Variants in UBR3 observed in about 807,000 individuals in gnomAD.
UBR3 encodes the protein ubiquitin protein ligase E3 component n-recognin 3.
A neutral mutation model predicts 243.2 loss-of-function variants in UBR3; 85 were observed. The observed-to-expected ratio is 0.35, with a 90% confidence interval of 0.29 to 0.42. The LOEUF (loss-of-function observed/expected upper bound fraction) is 0.42. Ranked by LOEUF, UBR3 falls within the 10% of genes least tolerant of loss-of-function variation. The pLI is 1.00. For missense variants in UBR3, 1,686 were observed against 2,300.8 expected (o/e 0.73, Z 5.47); for synonymous variants, 748 against 799.8 (o/e 0.94, Z 1.09).
At position 169,939,556 on chromosome 2, in the gene UBR3, C is replaced by T. The variant is rs377188212; in HGVS notation, c.2664-2937C>T. Among the ~76,000 whole-genome samples the T allele has an allele frequency of 5.3e-5, 8 of 149,670 alleles. No homozygotes were observed. The East Asian group carries it at 8.0e-4, about 15-fold the overall frequency. The stretch of plus-strand genomic sequence containing the variant: ...TGCTGGGATTACAGGTGTGAGCCAT[C>T]GTGCCAGGCCTTTTTTTTTCCTTTT... On this transcript the variant is annotated intron_variant, in intron 19 of 38. Transcript: ENST00000272793.
chr2:169,877,932 A>G (rs1574102377), intron 4 of UBR3, among the ~76,000 whole-genome samples: 1 of 152,232 alleles, frequency 6.6e-6, no homozygotes, highest in Non-Finnish European at 1.5e-5. Context: ...CTGCCTCAAT[A>G]TTTTAGTAAA....
At chr2:169,898,741 G>A (rs1300907696) in intron 8 of UBR3, among the ~76,000 whole-genome samples, 5 of 131,174 alleles carry the variant, frequency 3.8e-5, no homozygotes, top group Non-Finnish European at 6.1e-5. Flanking sequence ...TCGCTCTGTC[G>A]CCCAGGCTGG....
intron 27 of UBR3, among the ~76,000 whole-genome samples, chr2:170,001,895 AG>A (rs1210259536): frequency 7.8e-6 from 1 of 127,920 alleles, no homozygotes; most frequent in African/African-American, 3.0e-5. Flanking sequence ...CCTGGGCAAC[AG>A]AGAGAGACTC....
chr2:169,827,929 G>C lies in UBR3; in HGVS notation c.422G>C (p.Cys141Ser). The change falls in exon 1 of 39, where the codon TGC (cysteine) becomes TCC (serine). Residue 141 changes from cysteine to serine, a missense_variant. This residue lies in a region of UBR3 where 145 missense variants were observed against 243.8 expected (regional missense o/e 0.59). Transcript: ENST00000272793. ...YRCRTCGISP[C>S]MSLCAECFHQ... ...TGCCGGACGTGCGGCATCTCGCCCT[G>C]CATGTCGCTGTGCGCCGAGTGCTTC... 2 of 1,491,488 alleles carry C rather than the reference G, an allele frequency of 1.3e-6. No homozygotes were observed. The highest frequency in any genetic ancestry group is 8.9e-7 in the Non-Finnish European group (1 of 1,120,864). 92.4% of individuals were successfully genotyped at this position (1,491,488 alleles called of 1,614,324 possible). A position where few individuals can be genotyped will look rare whatever the true frequency, so the allele number is the denominator to read the frequency against.
chr2:169,890,641 AT>A (rs36025778), intron 5 of UBR3, among the ~76,000 whole-genome samples: 1 of 140,894 alleles, frequency 7.1e-6, no homozygotes, highest in Non-Finnish European at 1.5e-5. Context: ...TCCTTTTTGG[AT>A]TTTTTTTCTA....
chr2:169,913,360 G>T (rs202006234), intron 10 of UBR3, among the ~76,000 whole-genome samples: 20 of 141,212 alleles, frequency 1.4e-4, no homozygotes, highest in South Asian at 4.4e-4. Context: ...TTTGTTTTTT[G>T]TTTTTTTTTT....
chr2:169,926,538 T>C (rs1017482090), intron 14 of UBR3, among the ~76,000 whole-genome samples, 154 bp from the exon 15 acceptor site: 3 of 152,022 alleles, frequency 2.0e-5, no homozygotes, highest in Non-Finnish European at 4.4e-5. Flanking sequence ...GAGGTTGCAG[T>C]GAGCTGAGGT....
At chr2:169,881,729 T>TTATATATTATATAA (rs1278173968) in intron 5 of UBR3, among the ~76,000 whole-genome samples, 1 of 139,972 alleles carries the variant, frequency 7.1e-6, no homozygotes, top group African/African-American at 2.6e-5. Flanking sequence ...TATATTTATA[T>TTATATATTATATAA]TATATATTAT....
At chr2:169,864,776 G>A (rs1394902790) in intron 1 of UBR3, among the ~76,000 whole-genome samples, 4 of 152,080 alleles carry the variant, frequency 2.6e-5, no homozygotes, top group Admixed American at 6.5e-5. Flanking sequence ...GCATGGTGGC[G>A]GGTGCCTGTA....
rs542664506 is a variant in UBR3, at chr2:169,876,874, T to A, written c.845-620T>A. Reference sequence around the variant, plus strand: ...CCACCACGCCCGGCCCTACGTCTCTTTCTTTAAACGCAAGGCTGAGAAGTG... The same window carrying A: ...CCACCACGCCCGGCCCTACGTCTCTATCTTTAAACGCAAGGCTGAGAAGTG... On this transcript the variant is annotated intron_variant, in intron 3 of 38. Transcript: ENST00000272793. Among the ~76,000 whole-genome samples the A allele has an allele frequency of 3.1e-4, 47 of 152,226 alleles. 2 individuals carry two copies. In the South Asian group the frequency reaches 9.3e-3, roughly 30 times the overall value.
At chr2:169,945,584 C>T (rs1222212642) in intron 20 of UBR3, among the ~76,000 whole-genome samples, 1 of 152,172 alleles carries the variant, frequency 6.6e-6, no homozygotes, top group Non-Finnish European at 1.5e-5. Context: ...TCATCCTTTC[C>T]ATCATTTGGC....
intron 30 of UBR3, among the ~76,000 whole-genome samples, chr2:170,024,717 G>C (rs1046029880): frequency 6.6e-6 from 1 of 152,080 alleles, no homozygotes; most frequent in African/African-American, 2.4e-5. Context: ...TTATAATTAA[G>C]TCTTAGATTT....
At chr2:169,881,154 A>T (rs13384643) in intron 5 of UBR3, among the ~76,000 whole-genome samples, 99 of 152,236 alleles carry the variant, frequency 6.5e-4, no homozygotes, top group African/African-American at 2.3e-3. Context: ...ACATTTAAGT[A>T]GTTTAGACCC....
At chr2:170,073,900 T>C in intron 36 of UBR3, among the ~76,000 whole-genome samples, 1 of 152,204 alleles carries the variant, frequency 6.6e-6, no homozygotes, top group East Asian at 1.9e-4. Context: ...AATTTTAAGG[T>C]AGACAAGGAA....
At chr2:169,989,100 G>A (rs2089162787) in intron 25 of UBR3, among the ~76,000 whole-genome samples, 1 of 152,030 alleles carries the variant, frequency 6.6e-6, no homozygotes, top group South Asian at 2.1e-4. Context: ...TATTTCATTT[G>A]TTCCCTCCTT....
At chr2:169,988,480 T>C (rs2089128722) in intron 25 of UBR3, among the ~76,000 whole-genome samples, 1 of 152,190 alleles carries the variant, frequency 6.6e-6, no homozygotes, top group South Asian at 2.1e-4. Context: ...TGTAGCTGCC[T>C]TATCCCTTAG....
chr2:170,052,481 A>T (rs1211602927), intron 32 of UBR3, among the ~76,000 whole-genome samples: 1 of 152,252 alleles, frequency 6.6e-6, no homozygotes, highest in African/African-American at 2.4e-5. Flanking sequence ...AATAAAGATA[A>T]TGTGGCATAT....
chr2:169,897,935 C>T (rs1480565911), intron 8 of UBR3, among the ~76,000 whole-genome samples: 1 of 152,060 alleles, frequency 6.6e-6, no homozygotes, highest in Non-Finnish European at 1.5e-5. Context: ...AAGATGAGTA[C>T]ATTGAGGCTT....
intron 10 of UBR3, among the ~76,000 whole-genome samples, chr2:169,910,565 T>C (rs1193934071): frequency 1.3e-5 from 2 of 152,124 alleles, no homozygotes; most frequent in African/African-American, 2.4e-5. Context: ...GAAGTAAAGA[T>C]AACAGAGAGA....
Sources: gnomAD v4.1 joint callset for allele counts (sites outside exome capture counted in the v4.1 genomes callset) on GRCh38, gnomAD v4.1.1 for gene constraint, gnomAD v4.1.1 regional missense constraint, MANE v1.5 for transcripts, NCBI Gene and HGNC (gene_info 2026-07-23, HGNC 2026-07-21) for gene names.